The following ANO4 variants were observed in gnomAD, a reference collection of about 807,000 sequenced individuals.
ANO4 encodes the protein anoctamin 4.
ANO4 carries 69 observed loss-of-function variants against 141.9 expected under a neutral mutation model. That is an observed-to-expected ratio of 0.49 (90% CI 0.40 to 0.59). ANO4 has a LOEUF of 0.59. ANO4 is among the 20% of genes least tolerant of loss of function. The pLI is 0.00. For missense variants in ANO4, 894 were observed against 1,162.2 expected, an observed-to-expected ratio of 0.77 and a Z score of 3.36; for synonymous variants, 350 against 394.3, an observed-to-expected ratio of 0.89 and a Z score of 1.33.
At chr12:100,919,575 C>T (rs1456985820) in intron 2 of ANO4, among the ~76,000 whole-genome samples, 1 of 151,800 alleles carries the variant, frequency 6.6e-6, no homozygotes, top group Non-Finnish European at 1.5e-5. Flanking sequence ...TGTAAGTACA[C>T]TGTATGATCT....
chr12:101,083,241 CT>C lies in ANO4; in HGVS notation c.1396-435del, dbSNP rs1246483033. 4.6e-5 allele frequency among the ~76,000 whole-genome samples: 7 copies of C among 152,228 alleles called. No individual in the cohort carries two copies. The East Asian group carries it at 1.3e-3, about 29-fold the overall frequency. On this transcript the variant is annotated intron_variant, in intron 15 of 27. Coordinates refer to ENST00000392977, the MANE Select transcript of ANO4 (RefSeq NM_001286615.2). The stretch of plus-strand genomic sequence containing the variant: ...ACTAAGAATTATATTGTCATTATAA[CT>C]TACAAAATGGATTTTGAACATTTTC...
chr12:100,868,188 T>C (rs2038853639), intron 1 of ANO4, among the ~76,000 whole-genome samples: 1 of 152,108 alleles, frequency 6.6e-6, no homozygotes, highest in Admixed American at 6.6e-5. Flanking sequence ...CATAGGATGC[T>C]ATGTGGGAGG....
intron 3 of ANO4, among the ~76,000 whole-genome samples, chr12:100,747,626 G>A (rs1331892300): frequency 1.3e-5 from 2 of 152,216 alleles, no homozygotes; most frequent in African/African-American, 4.8e-5. Flanking sequence ...TGTAATCCCA[G>A]TACTTTGGGA....
At chr12:100,891,588 A>T (rs1396254538) in intron 1 of ANO4, among the ~76,000 whole-genome samples, 2 of 152,058 alleles carry the variant, frequency 1.3e-5, no homozygotes, top group Non-Finnish European at 2.9e-5. Flanking sequence ...ATTATTTTTT[A>T]AGATTTATTT....
chr12:100,780,014 AT>A (rs951925578), intron 3 of ANO4, among the ~76,000 whole-genome samples: 1 of 152,042 alleles, frequency 6.6e-6, no homozygotes, highest in African/African-American at 2.4e-5. Context: ...TACAAACTTT[AT>A]TTTCCAATTT....
chr12:100,879,573 C>G (rs2135951760), intron 1 of ANO4, among the ~76,000 whole-genome samples: 1 of 152,206 alleles, frequency 6.6e-6, no homozygotes, highest in East Asian at 1.9e-4. Flanking sequence ...GTGAAGTATT[C>G]TATTTATTCT....
intron 1 of ANO4, among the ~76,000 whole-genome samples, chr12:100,853,081 T>C (rs1170195200): frequency 5.9e-5 from 9 of 152,200 alleles, no homozygotes; most frequent in Admixed American, 3.3e-4. Context: ...TTTCTAACCA[T>C]TTGAATTTCC....
At chr12:100,791,954 A>C (rs1165981541), upstream of ANO4, among the ~76,000 whole-genome samples, 1 of 152,222 alleles carries the variant, frequency 6.6e-6, no homozygotes, top group African/African-American at 2.4e-5. Context: ...TTCCATATGC[A>C]GATTATAACT....
chr12:100,777,400 T>A (rs1465562754), intron 3 of ANO4, among the ~76,000 whole-genome samples: 1 of 148,574 alleles, frequency 6.7e-6, no homozygotes, highest in African/African-American at 2.5e-5. Flanking sequence ...ATTACAGGCA[T>A]GAGCCACCAT....
At chr12:101,090,195 C>T (rs543529462) in intron 17 of ANO4, among the ~76,000 whole-genome samples, 1 of 152,334 alleles carries the variant, frequency 6.6e-6, no homozygotes, top group South Asian at 2.1e-4. Context: ...TGTGGCGATT[C>T]CTCAAGGATC....
rs577118859 is a variant in ANO4 at position 100,957,341 on chromosome 12, T to C, written c.457-13965T>C. On this transcript the variant is annotated intron_variant, in intron 5 of 27. Transcript: ENST00000392977. ...TCCATTCCTGCAGGAACAGGTGCAG[T>C]CTCACCAGAGTGAGACCAAGCACCA... 3.3e-5 allele frequency among the ~76,000 whole-genome samples: 5 copies of C among 152,222 alleles called. No individual in the cohort carries two copies. In the South Asian group the frequency reaches 1.0e-3, roughly 32 times the overall value.
intron 1 of ANO4, among the ~76,000 whole-genome samples, chr12:100,804,195 C>G (rs1171426861): frequency 6.6e-6 from 1 of 152,148 alleles, no homozygotes; most frequent in African/African-American, 2.4e-5. Flanking sequence ...AGTGAGAACA[C>G]ATGGTGTTTG....
intron 1 of ANO4, among the ~76,000 whole-genome samples, chr12:100,836,682 A>G (rs1042551989): frequency 1.3e-5 from 2 of 152,086 alleles, no homozygotes; most frequent in Non-Finnish European, 2.9e-5. Context: ...CAATGCTTCC[A>G]AGGGAGTTTT....
chr12:100,869,329 G>C (rs910826008), intron 1 of ANO4, among the ~76,000 whole-genome samples: 2 of 152,152 alleles, frequency 1.3e-5, no homozygotes, highest in South Asian at 4.1e-4. Flanking sequence ...TCTGAGCTGT[G>C]CTTGGACCTG....
intron 14 of ANO4, among the ~76,000 whole-genome samples, chr12:101,070,133 C>T (rs1357919750): frequency 6.6e-6 from 1 of 151,996 alleles, no homozygotes; most frequent in East Asian, 1.9e-4. Context: ...ATAAAAATAC[C>T]AATTATGTGC....
chr12:101,006,783 G>T (rs1337319100), intron 8 of ANO4, among the ~76,000 whole-genome samples: 1 of 152,176 alleles, frequency 6.6e-6, no homozygotes, highest in Non-Finnish European at 1.5e-5. Context: ...GCATGTTGTG[G>T]ATTATAAAAC....
chr12:101,018,956 GA>G (rs777500097), intron 8 of ANO4, among the ~76,000 whole-genome samples: 17 of 148,954 alleles, frequency 1.1e-4, no homozygotes, highest in East Asian at 2.0e-4. Flanking sequence ...ACGAACAAAT[GA>G]AAAAAAAATG....
At chr12:100,717,480 C>G (rs960030423), upstream of ANO4, 4 of 398,364 alleles carry the variant, frequency 1.0e-5, no homozygotes, top group Non-Finnish European at 1.3e-5. Flanking sequence ...CGCAGGGGGC[C>G]GCTCTAGCCG....
At chr12:101,124,059 G>T (rs1240398909) in intron 26 of ANO4, among the ~76,000 whole-genome samples, 1 of 152,094 alleles carries the variant, frequency 6.6e-6, no homozygotes, top group East Asian at 1.9e-4. Flanking sequence ...TTCCACAATG[G>T]TTGAACTAAT....
Sources: gnomAD v4.1 joint callset for allele counts (sites outside exome capture counted in the v4.1 genomes callset) on GRCh38, gnomAD v4.1.1 for gene constraint, MANE v1.5 for transcripts, NCBI Gene and HGNC (gene_info 2026-07-23, HGNC 2026-07-21) for gene names.